The following JAKMIP2 variants were observed in gnomAD, a reference collection of about 807,000 sequenced individuals.
JAKMIP2 encodes the protein janus kinase and microtubule interacting protein 2.
JAKMIP2 carries 25 observed loss-of-function variants against 115.0 expected under a neutral mutation model. The observed-to-expected ratio is 0.22, with a 90% confidence interval of 0.16 to 0.30. The LOEUF (loss-of-function observed/expected upper bound fraction) is 0.30, where lower values mean the gene tolerates loss of function less well. Among genes scored for constraint, JAKMIP2 ranks in the 10% least tolerant of loss-of-function variants. The pLI is 1.00. For missense variants in JAKMIP2, 642 were observed against 957.6 expected, an observed-to-expected ratio of 0.67 and a Z score of 4.35; for synonymous variants, 334 against 343.6, an observed-to-expected ratio of 0.97 and a Z score of 0.31.
At chr5:147,730,815 G>A (rs769114835) in intron 1 of JAKMIP2, among the ~76,000 whole-genome samples, 7 of 151,978 alleles carry the variant, frequency 4.6e-5, no homozygotes, top group Non-Finnish European at 8.8e-5. Context: ...TTCCCTTACC[G>A]CTGATGTTTG....
At chr5:147,775,902 T>G (rs923459523) in intron 1 of JAKMIP2, among the ~76,000 whole-genome samples, 10 of 152,162 alleles carry the variant, frequency 6.6e-5, no homozygotes. Context: ...GAGCTTACAT[T>G]CTAGTGAAGA....
intron 17 of JAKMIP2, 37 bp from the exon 18 acceptor site, chr5:147,620,780 T>C (rs1756812475): frequency 6.8e-7 from 1 of 1,464,136 alleles, no homozygotes; most frequent in Non-Finnish European, 9.6e-7. Context: ...GTCAGCTTAG[T>C]TAACTAGAAA....
intron 14 of JAKMIP2, among the ~76,000 whole-genome samples, chr5:147,630,111 T>C (rs116603048): frequency 8.0e-4 from 121 of 152,186 alleles, no homozygotes; most frequent in African/African-American, 2.8e-3. Context: ...TTTTTTTCAA[T>C]TGTGATAGGC....
At position 147,661,136 on chromosome 5, in the gene JAKMIP2, T is replaced by C. The variant is rs1204387842; in HGVS notation, c.439A>G (p.Thr147Ala). 1.9e-6 allele frequency: 3 copies of C among 1,613,962 alleles called. No individual in the cohort carries two copies. The highest frequency in any genetic ancestry group is 1.7e-5 in the Admixed American group (1 of 59,990). Residue 147 changes from threonine to alanine, a missense_variant, in exon 3 of 22, where the codon ACA becomes GCA. Physicochemically the swap from Thr to Ala is moderately conservative, Grantham distance 58. Transcript: ENST00000616793. ...AREEARKLFD[T>A]ERLKLLQEIA... ...TCCTGTAAGAGCTTAAGGCGCTCTG[T>C]GTCAAACAGTTTCCGGGCCTCCTCC... is the stretch of plus-strand genomic sequence containing the variant.
At chr5:147,732,126 T>A (rs1753756481) in intron 1 of JAKMIP2, among the ~76,000 whole-genome samples, 1 of 152,146 alleles carries the variant, frequency 6.6e-6, no homozygotes, top group African/African-American at 2.4e-5. Flanking sequence ...CATCCCTGAG[T>A]TTTCCTCAAA....
At chr5:147,767,919 C>G (rs1214926820) in intron 1 of JAKMIP2, among the ~76,000 whole-genome samples, 1 of 152,100 alleles carries the variant, frequency 6.6e-6, no homozygotes, top group African/African-American at 2.4e-5. Context: ...ATTCAGTCTG[C>G]AAAGTGATCT....
intron 17 of JAKMIP2, 109 bp downstream of exon 17, chr5:147,623,512 A>G (rs1471359153): frequency 8.0e-6 from 5 of 625,580 alleles, no homozygotes; most frequent in Non-Finnish European, 1.4e-5. Flanking sequence ...AATAATGGAA[A>G]GATGACAAAC....
At position 147,586,026 on chromosome 5, in the gene JAKMIP2, A is replaced by C. The variant is rs1365280593; in HGVS notation, c.*5681T>G. 6.6e-6 allele frequency: 1 copy of C among 151,996 alleles called. No homozygotes were observed. Among genetic ancestry groups the C allele is most frequent in the Non-Finnish European group, 1.5e-5 (1 of 67,994 alleles). The allele number at this position is 151,996 out of a possible 1,614,324, so 9.4% of individuals were successfully genotyped here. On this transcript the variant is annotated 3_prime_UTR_variant, in exon 22 of 22. Coordinates refer to ENST00000616793, the MANE Select transcript of JAKMIP2 (RefSeq NM_001270941.2). ...ATAAAAAAAACCTATTTGCTGGTTT[A>C]TGGGCCTGGATAATTGAAAAACCGA... is the stretch of plus-strand genomic sequence containing the variant.
At chr5:147,650,282 G>T in intron 4 of JAKMIP2, 56 bp downstream of exon 4, 1 of 1,088,236 alleles carries the variant, frequency 9.2e-7, no homozygotes, top group Non-Finnish European at 1.4e-6. Flanking sequence ...GGTAAAACTT[G>T]GGAGCTAAAT....
At chr5:147,635,091 C>A (rs570561570) in intron 12 of JAKMIP2, among the ~76,000 whole-genome samples, 3 of 152,036 alleles carry the variant, frequency 2.0e-5, no homozygotes, top group Non-Finnish European at 4.4e-5. Flanking sequence ...GCAGGAGAAT[C>A]GCTTCAACCT....
chr5:147,690,925 T>C (rs1252254436), intron 1 of JAKMIP2, among the ~76,000 whole-genome samples: 1 of 151,978 alleles, frequency 6.6e-6, no homozygotes, highest in Admixed American at 6.6e-5. Context: ...GAAAATGGGA[T>C]TTCTCCTCTC....
At position 147,768,815 on chromosome 5, in the gene JAKMIP2, G is replaced by T. The variant is rs113201667; in HGVS notation, c.-149+13641C>A. Among the ~76,000 whole-genome samples the T allele has an allele frequency of 4.3e-3, 648 of 152,160 alleles. 5 individuals carry two copies. Among genetic ancestry groups the T allele is most frequent in the African/African-American group, 0.015 (624 of 41,528 alleles). ...TTAAAGTATTAAAATTTTGTTTGAGGCCTGGTCCTTTTGTGGCTGAATGGG... is the reference window on the plus strand; with the variant it reads ...TTAAAGTATTAAAATTTTGTTTGAGTCCTGGTCCTTTTGTGGCTGAATGGG... On this transcript the variant is annotated intron_variant, in intron 1 of 21. Transcript: ENST00000616793.
intron 1 of JAKMIP2, among the ~76,000 whole-genome samples, chr5:147,740,346 CAAA>C (rs1561570109): frequency 6.6e-6 from 1 of 152,190 alleles, no homozygotes; most frequent in Non-Finnish European, 1.5e-5. Context: ...ACATACCTAA[CAAA>C]AATCTATTGA....
At chr5:147,596,527 G>A (rs1755397712) in intron 21 of JAKMIP2, among the ~76,000 whole-genome samples, 1 of 152,168 alleles carries the variant, frequency 6.6e-6, no homozygotes, top group Non-Finnish European at 1.5e-5. Context: ...CTCTATTCAT[G>A]GTTCTGATCT....
intron 21 of JAKMIP2, chr5:147,594,515 G>T (rs904641849): frequency 4.7e-6 from 2 of 427,372 alleles, no homozygotes; most frequent in Non-Finnish European, 9.7e-6. Context: ...TTGTACTTTT[G>T]TAGAGATGGG....
intron 1 of JAKMIP2, among the ~76,000 whole-genome samples, chr5:147,691,431 CT>C (rs1018975908): frequency 5.8e-4 from 88 of 152,184 alleles, no homozygotes; most frequent in African/African-American, 2.0e-3. Context: ...GATTTTTCAT[CT>C]TCCCTATTCC....
intron 1 of JAKMIP2, among the ~76,000 whole-genome samples, chr5:147,754,665 C>T (rs1754682383): frequency 6.6e-6 from 1 of 152,132 alleles, no homozygotes; most frequent in Non-Finnish European, 1.5e-5. Flanking sequence ...TTATTGCACT[C>T]ATAACTCATT....
At chr5:147,592,727 A>T (rs1755158170) in intron 21 of JAKMIP2, among the ~76,000 whole-genome samples, 2 of 152,196 alleles carry the variant, frequency 1.3e-5, no homozygotes, top group Non-Finnish European at 2.9e-5. Context: ...AAGGATACTG[A>T]TTCTGTAGAA....
intron 20 of JAKMIP2, among the ~76,000 whole-genome samples, chr5:147,608,488 G>A (rs1756146150): frequency 6.6e-6 from 1 of 152,190 alleles, no homozygotes; most frequent in Admixed American, 6.5e-5. Flanking sequence ...GTGGTTTTAA[G>A]TGAGTTTCTT....
Sources: gnomAD v4.1 joint callset for allele counts (sites outside exome capture counted in the v4.1 genomes callset) on GRCh38, gnomAD v4.1.1 for gene constraint, MANE v1.5 for transcripts, NCBI Gene and HGNC (gene_info 2026-07-23, HGNC 2026-07-21) for gene names.